ZNF81: variants seen among roughly 807,000 people sequenced by gnomAD.
ZNF81 encodes the protein zinc finger protein 81.
ZNF81 carries 5 observed loss-of-function variants against 32.3 expected under a neutral mutation model. The observed-to-expected ratio is 0.15, with a 90% confidence interval of 0.08 to 0.33. The LOEUF is 0.33. ZNF81 is among the 10% of genes least tolerant of loss of function. The probability of loss-of-function intolerance (pLI) is 1.00; values close to 1 mark genes in which losing one functional copy is unlikely to be tolerated. For missense variants in ZNF81, 379 were observed against 479.8 expected, an observed-to-expected ratio of 0.79 and a Z score of 1.96; for synonymous variants, 163 against 166.8, an observed-to-expected ratio of 0.98 and a Z score of 0.17.
rs781812238 is a variant in ZNF81 at position 47,916,347 on chromosome X, A to G, written c.1701A>G (p.Ser567=). 2 of 1,210,180 alleles carry G rather than the reference A, an allele frequency of 1.7e-6. No individual in the cohort carries two copies. The highest frequency in any genetic ancestry group is 2.2e-5 in the Admixed American group (1 of 45,718). The part of the protein sequence containing the change: ...ADCGRAFIQK[S]ELITHQRIHT... ...GTGGGAGGGCCTTCATCCAGAAGTCAGAGTTGATTACACATCAGAGAATTC... is the reference window on the plus strand; with the variant it reads ...GTGGGAGGGCCTTCATCCAGAAGTCGGAGTTGATTACACATCAGAGAATTC... Residue 567 remains serine (S), a synonymous_variant, in exon 5 of 5, where the codon TCA becomes TCG. Coordinates refer to ENST00000338637, the MANE Select transcript of ZNF81 (RefSeq NM_007137.5).
chrX:47,844,102 T>A (rs781904384), intron 1 of ZNF81, among the ~76,000 whole-genome samples: 96 of 112,406 alleles, frequency 8.5e-4, no homozygotes, highest in African/African-American at 3.0e-3. Context: ...GATTTCCCAC[T>A]TTGATCCTGG....
At chrX:47,870,793 G>A (rs1253590556) in intron 2 of ZNF81, among the ~76,000 whole-genome samples, 1 of 112,429 alleles carries the variant, frequency 8.9e-6, no homozygotes, top group African/African-American at 3.2e-5. Context: ...CTGACAAATA[G>A]CACATCTCTT....
intron 2 of ZNF81, among the ~76,000 whole-genome samples, chrX:47,885,755 C>T (rs1033462920): frequency 1.8e-5 from 2 of 111,947 alleles, no homozygotes; most frequent in East Asian, 5.6e-4. Flanking sequence ...CATGAGCCCT[C>T]ATGACCTAAA....
chrX:47,903,361 G>C (rs1184833167), intron 4 of ZNF81, among the ~76,000 whole-genome samples: 2 of 104,600 alleles, frequency 1.9e-5, no homozygotes, highest in East Asian at 3.0e-4. Flanking sequence ...CTTCAGCAAA[G>C]TCTCAAGATA....
intron 4 of ZNF81, among the ~76,000 whole-genome samples, chrX:47,912,688 T>C (rs1161682028): frequency 9.1e-6 from 1 of 109,637 alleles, no homozygotes; most frequent in Non-Finnish European, 1.9e-5. Context: ...TTTTGTGGGA[T>C]CTGCGTGCTT....
chrX:47,845,825 A>G (rs781969315), intron 1 of ZNF81, among the ~76,000 whole-genome samples: 4 of 112,570 alleles, frequency 3.6e-5, no homozygotes, highest in Admixed American at 9.4e-5. Flanking sequence ...ACCACTTGAG[A>G]TAAATATTTC....
intron 1 of ZNF81, chrX:47,841,104 C>T: frequency 1.2e-6 from 1 of 869,145 alleles, no homozygotes; most frequent in South Asian, 2.0e-5. Context: ...ATGAGATCTC[C>T]TCGAAATGTT....
At chrX:47,838,698 G>C (rs2058435027) in intron 1 of ZNF81, among the ~76,000 whole-genome samples, 1 of 111,899 alleles carries the variant, frequency 8.9e-6, no homozygotes, top group African/African-American at 3.2e-5. Context: ...TGAAGGAATT[G>C]ATTAGCTAAT....
chrX:47,869,787 C>T (rs1437122515), intron 2 of ZNF81, among the ~76,000 whole-genome samples: 1 of 111,258 alleles, frequency 9.0e-6, no homozygotes, highest in Admixed American at 9.6e-5. Context: ...CCTCCGCCTC[C>T]TGGGTTCAAG....
intron 1 of ZNF81, among the ~76,000 whole-genome samples, chrX:47,845,049 G>C (rs1346743665): frequency 8.9e-6 from 1 of 112,171 alleles, no homozygotes; most frequent in African/African-American, 3.2e-5. Flanking sequence ...AAGGAATTTT[G>C]TAAAAGTTCC....
chrX:47,917,236 A>G lies in ZNF81; in HGVS notation c.*604A>G. On this transcript the variant is annotated 3_prime_UTR_variant, in exon 5 of 5. Coordinates refer to ENST00000338637, the MANE Select transcript of ZNF81 (RefSeq NM_007137.5). ...TTTCTATCAAGTGAATCCACAATTTAAAAGTCACTTTGGTTTTATATATAC... is the reference window on the plus strand; with the variant it reads ...TTTCTATCAAGTGAATCCACAATTTGAAAGTCACTTTGGTTTTATATATAC... 6.7e-6 allele frequency: 2 copies of G among 297,228 alleles called. No individual in the cohort carries two copies. The highest frequency in any genetic ancestry group is 1.2e-5 in the Non-Finnish European group (2 of 169,921). The allele number at this position is 297,228 out of a possible 1,213,427, so 24.5% of individuals were successfully genotyped here.
At chrX:47,877,105 C>T (rs199800984) in intron 2 of ZNF81, among the ~76,000 whole-genome samples, 1 of 112,736 alleles carries the variant, frequency 8.9e-6, no homozygotes, top group East Asian at 2.8e-4. Context: ...TAACCATACA[C>T]TGAATTGGCC....
chrX:47,854,515 T>C lies in ZNF81; in HGVS notation c.54+8194T>C, dbSNP rs782510732. 5.1e-4 allele frequency among the ~76,000 whole-genome samples: 57 copies of C among 112,132 alleles called. No homozygotes were observed. The South Asian group carries it at 6.3e-3, about 12-fold the overall frequency. On this transcript the variant is annotated intron_variant, in intron 2 of 4. Coordinates refer to ENST00000338637, the MANE Select transcript of ZNF81 (RefSeq NM_007137.5). ...AGGCCTTCCTCAATAAGCTCAATCA[T>C]GTCTAGCTTTTGATTTAAAGGGAGA...
At position 47,846,285 on chromosome X, in the gene ZNF81, C is replaced by T. The variant is rs145478020; in HGVS notation, c.18C>T (p.Asp6=). Residue 6 remains aspartate (D), a synonymous_variant, in exon 2 of 5, where the codon GAC becomes GAT. Transcript: ENST00000338637. MPANE[D]APQPGEHGSA... ...TCGGGAACATGCCAGCTAACGAGGA[C>T]GCTCCCCAGCCAGGGGAACATGGCA... The T allele has an allele frequency of 9.9e-3, 11,949 of 1,207,438 alleles. 529 individuals carry two copies. In the East Asian group the frequency reaches 0.14, roughly 14 times the overall value.
intron 4 of ZNF81, among the ~76,000 whole-genome samples, chrX:47,904,964 CAA>C (rs1381976572): frequency 9.1e-6 from 1 of 109,415 alleles, no homozygotes; most frequent in East Asian, 2.9e-4. Flanking sequence ...ATCGCAAGGA[CAA>C]AAAACCAAAC....
intron 2 of ZNF81, among the ~76,000 whole-genome samples, chrX:47,873,410 A>G (rs1285831331): frequency 9.0e-6 from 1 of 111,697 alleles, no homozygotes; most frequent in Non-Finnish European, 1.9e-5. Flanking sequence ...AAACTCCCTC[A>G]ATCTGCCAGT....
At chrX:47,872,758 T>C (rs2058585227) in intron 2 of ZNF81, among the ~76,000 whole-genome samples, 1 of 111,981 alleles carries the variant, frequency 8.9e-6, no homozygotes, top group African/African-American at 3.2e-5. Flanking sequence ...ACAGGGTGAG[T>C]GCCCTTTTAA....
rs186488727 is a variant in ZNF81 at position 47,892,941 on chromosome X, A to G, written c.182-2904A>G. 6.2e-5 allele frequency among the ~76,000 whole-genome samples: 7 copies of G among 113,020 alleles called. No individual in the cohort carries two copies. The East Asian group carries it at 2.0e-3, about 32-fold the overall frequency. On this transcript the variant is annotated intron_variant, in intron 3 of 4. Coordinates refer to ENST00000338637, the MANE Select transcript of ZNF81 (RefSeq NM_007137.5). ...CTGTCAAGGCAAGTACCTCAGGGGA[A>G]GCCACTGAAAGTGCTTCAGGCAAAG...
Position 47,892,805 on chromosome X carries a change from G to A in ZNF81, c.182-3040G>A, listed in dbSNP as rs782693206. Among the ~76,000 whole-genome samples, 31 of 112,707 alleles carry A rather than the reference G, an allele frequency of 2.8e-4. No individual in the cohort carries two copies. In the Middle Eastern group the frequency reaches 0.014, roughly 50 times the overall value. On this transcript the variant is annotated intron_variant, in intron 3 of 4. Coordinates refer to ENST00000338637, the MANE Select transcript of ZNF81 (RefSeq NM_007137.5). ...TCTTTTGGTGTACACACATCCTCAT[G>A]GGTCATTCTTTGTACTTCACCTTTT... is the stretch of plus-strand genomic sequence containing the variant.
Sources: allele counts gnomAD v4.1 joint callset (sites outside exome capture counted in the v4.1 genomes callset), GRCh38; gene constraint gnomAD v4.1.1; transcripts MANE v1.5; gene names NCBI Gene and HGNC (gene_info 2026-07-23, HGNC 2026-07-21).